TPTE: variants seen among roughly 807,000 people sequenced by gnomAD.
TPTE encodes the protein putative tyrosine-protein phosphatase TPTE.
TPTE carries 59 observed loss-of-function variants against 84.1 expected under a neutral mutation model. The ratio of observed to expected loss-of-function variants is 0.70; its 90% CI spans 0.57 to 0.87. The LOEUF (loss-of-function observed/expected upper bound fraction) is 0.87, where lower values mean the gene tolerates loss of function less well. Among genes scored for constraint, TPTE ranks in the 40% least tolerant of loss-of-function variants. The probability of loss-of-function intolerance (pLI) is 0.00; values close to 1 mark genes in which losing one functional copy is unlikely to be tolerated. For missense variants in TPTE, 382 were observed against 659.6 expected (o/e 0.58, Z 4.61); for synonymous variants, 130 against 223.5 (o/e 0.58, Z 3.73).
chr21:10,604,220 G>T (rs1240774445), intron 23 of TPTE, among the ~76,000 whole-genome samples: 2 of 152,416 alleles, frequency 1.3e-5, no homozygotes, highest in South Asian at 4.1e-4. Flanking sequence ...AATTGGATTT[G>T]GAGATTATTG....
intron 9 of TPTE, among the ~76,000 whole-genome samples, chr21:10,559,935 T>C: frequency 1.9e-5 from 1 of 52,838 alleles, no homozygotes; most frequent in East Asian, 1.7e-3. Context: ...TATATATACA[T>C]ATATATATAT....
chr21:10,570,925 T>C, intron 14 of TPTE, among the ~76,000 whole-genome samples: 1 of 152,306 alleles, frequency 6.6e-6, no homozygotes, highest in East Asian at 1.9e-4. Flanking sequence ...TACCCTCGAC[T>C]GAAAGAGCCA....
Position 10,552,621 on chromosome 21 carries a change from A to C in TPTE, c.174-36A>C, listed in dbSNP as rs574083552. 24 of 1,613,508 alleles carry C rather than the reference A, an allele frequency of 1.5e-5. No individual in the cohort carries two copies. In the Middle Eastern group the frequency reaches 9.9e-4, roughly 67 times the overall value. On this transcript the variant is annotated intron_variant, in intron 7 of 23. Coordinates refer to ENST00000618007, the MANE Select transcript of TPTE (RefSeq NM_199261.4). ...TCACTATTTTGTGTAGCAAATATCT[A>C]ATGATATATTTTTGCTTTTTTTTTG... is the stretch of plus-strand genomic sequence containing the variant.
At chr21:10,566,203 A>T (rs2074917999) in intron 10 of TPTE, among the ~76,000 whole-genome samples, 1 of 152,310 alleles carries the variant, frequency 6.6e-6, no homozygotes, top group Non-Finnish European at 1.5e-5. Context: ...ATAAGATTTG[A>T]ATAGGCATTT....
intron 5 of TPTE, 34 bp from the exon 6 acceptor site, chr21:10,542,361 T>A: frequency 6.2e-7 from 1 of 1,607,474 alleles, no homozygotes; most frequent in Non-Finnish European, 8.5e-7. Flanking sequence ...GAATTATGTC[T>A]CCTCTCTGAC....
chr21:10,566,841 G>A (rs1259614150), intron 10 of TPTE, among the ~76,000 whole-genome samples: 9 of 152,296 alleles, frequency 5.9e-5, no homozygotes, highest in Non-Finnish European at 1.3e-4. Flanking sequence ...GCTGGGTGTG[G>A]TGCCGGGCAC....
At chr21:10,601,371 C>T (rs113328489) in intron 21 of TPTE, among the ~76,000 whole-genome samples, 1 of 152,308 alleles carries the variant, frequency 6.6e-6, no homozygotes, top group African/African-American at 2.4e-5. Context: ...GGCATGGTGG[C>T]ACGTGCCTAT....
At chr21:10,593,472 C>T (rs934943324) in intron 19 of TPTE, among the ~76,000 whole-genome samples, 3 of 152,260 alleles carry the variant, frequency 2.0e-5, no homozygotes, top group Non-Finnish European at 4.4e-5. Context: ...AATCTAAGTT[C>T]ATAGATTTCT....
chr21:10,525,507 G>A (rs1568948293), intron 2 of TPTE, among the ~76,000 whole-genome samples: 1 of 152,306 alleles, frequency 6.6e-6, no homozygotes, highest in Non-Finnish European at 1.5e-5. Flanking sequence ...TATATACTGT[G>A]TCTGCTTGCT....
intron 21 of TPTE, among the ~76,000 whole-genome samples, chr21:10,600,641 A>G (rs1452451892): frequency 6.6e-6 from 1 of 152,312 alleles, no homozygotes; most frequent in African/African-American, 2.4e-5. Flanking sequence ...TCTTTATCAT[A>G]CAGATTGAGT....
chr21:10,564,789 A>G (rs2074883911), intron 10 of TPTE, among the ~76,000 whole-genome samples: 1 of 152,310 alleles, frequency 6.6e-6, no homozygotes, highest in Admixed American at 6.5e-5. Flanking sequence ...AGCATTTGAT[A>G]AAATTCAACA....
At chr21:10,535,312 A>G (rs1275314972) in intron 3 of TPTE, among the ~76,000 whole-genome samples, 2 of 152,300 alleles carry the variant, frequency 1.3e-5, no homozygotes, top group South Asian at 2.1e-4. Context: ...AAGTGTATAT[A>G]TACATATATA....
chr21:10,598,749 T>C (rs1440210317), intron 21 of TPTE, among the ~76,000 whole-genome samples: 4 of 152,310 alleles, frequency 2.6e-5, no homozygotes, highest in Admixed American at 2.6e-4. Context: ...ATATACCTTT[T>C]CTGAAACAGA....
intron 7 of TPTE, among the ~76,000 whole-genome samples, chr21:10,548,871 T>C (rs1240353339): frequency 2.0e-5 from 3 of 152,308 alleles, no homozygotes; most frequent in Non-Finnish European, 4.4e-5. Flanking sequence ...TGAGAAACTG[T>C]CCTGCAAAGC....
chr21:10,599,680 T>C (rs1367183442), intron 21 of TPTE, among the ~76,000 whole-genome samples: 1 of 152,310 alleles, frequency 6.6e-6, no homozygotes, highest in Non-Finnish European at 1.5e-5. Flanking sequence ...TCTTGAGCTC[T>C]GAAGATATAA....
chr21:10,573,316 A>C (rs1250217273), intron 14 of TPTE, among the ~76,000 whole-genome samples: 1 of 152,310 alleles, frequency 6.6e-6, no homozygotes, highest in Admixed American at 6.5e-5. Flanking sequence ...ATATGTATGT[A>C]CCCTACACTA....
intron 17 of TPTE, among the ~76,000 whole-genome samples, chr21:10,579,380 C>T (rs1296017261): frequency 6.6e-6 from 1 of 152,310 alleles, no homozygotes; most frequent in Non-Finnish European, 1.5e-5. Flanking sequence ...ATCCCAGCTA[C>T]TCGGAAGGCT....
intron 10 of TPTE, among the ~76,000 whole-genome samples, chr21:10,565,192 A>G (rs1482619294): frequency 2.6e-5 from 4 of 152,250 alleles, no homozygotes; most frequent in Admixed American, 6.5e-5. Context: ...AAAAATCAGT[A>G]GCATTTCTAT....
Position 10,537,236 on chromosome 21 carries a change from C to T in TPTE, c.-43-1445C>T, listed in dbSNP as rs1031916431. Among the ~76,000 whole-genome samples, 13 of 152,420 alleles carry T rather than the reference C, an allele frequency of 8.5e-5. No individual in the cohort carries two copies. The East Asian group carries it at 1.2e-3, about 14-fold the overall frequency. ...TATTCAATTGTAAAGAACTAAACAT[C>T]GCTTGTGAGTAATTCAAACCAGAAA... On this transcript the variant is annotated intron_variant, in intron 3 of 23. Transcript: ENST00000618007.
Sources: gnomAD v4.1 joint callset for allele counts (sites outside exome capture counted in the v4.1 genomes callset) on GRCh38, gnomAD v4.1.1 for gene constraint, MANE v1.5 for transcripts, NCBI Gene and HGNC (gene_info 2026-07-23, HGNC 2026-07-21) for gene names.